ITSN1: variants seen among roughly 807,000 people sequenced by gnomAD.
ITSN1 encodes the protein intersectin-1.
Under a neutral mutation model 239.8 loss-of-function variants are expected in ITSN1, and 58 were observed. That is an observed-to-expected ratio of 0.24 (90% CI 0.20 to 0.30). ITSN1 has a LOEUF of 0.30. Among genes scored for constraint, ITSN1 ranks in the 10% least tolerant of loss-of-function variants. The pLI, the probability that ITSN1 is intolerant of heterozygous loss-of-function variation, is 1.00. For synonymous variants in ITSN1, 780 were observed against 770.8 expected (o/e 1.01, Z -0.20); for missense variants, 1,558 against 2,103.3 (o/e 0.74, Z 5.07).
chr21:33,873,827 G>A (rs947639431), intron 33 of ITSN1, among the ~76,000 whole-genome samples: 4 of 151,950 alleles, frequency 2.6e-5, no homozygotes, highest in African/African-American at 9.7e-5. Flanking sequence ...AGATGAGATC[G>A]TGCCACTGTT....
intron 34 of ITSN1, among the ~76,000 whole-genome samples, chr21:33,876,162 CCT>C (rs1459255350): frequency 4.4e-4 from 51 of 114,898 alleles, no homozygotes; most frequent in East Asian, 2.0e-3. Flanking sequence ...TCTCTCTCTC[CCT>C]CTTTCTTTCT....
chr21:33,842,450 T>G (rs1397450866), intron 29 of ITSN1, among the ~76,000 whole-genome samples: 1 of 152,086 alleles, frequency 6.6e-6, no homozygotes, highest in Non-Finnish European at 1.5e-5. Flanking sequence ...GCATACCACC[T>G]CTTAGAAGCT....
At chr21:33,821,987 G>C (rs1391823680) in intron 24 of ITSN1, among the ~76,000 whole-genome samples, 3 of 152,206 alleles carry the variant, frequency 2.0e-5, no homozygotes, top group Non-Finnish European at 4.4e-5. Flanking sequence ...ATTTCCTTGT[G>C]TGGGAAATCA....
intron 30 of ITSN1, 22 bp downstream of exon 30, chr21:33,856,879 G>T: frequency 6.2e-7 from 1 of 1,613,028 alleles, no homozygotes; most frequent in South Asian, 1.1e-5. Context: ...GGTGGGGCAG[G>T]GGGCACGGCA....
intron 26 of ITSN1, among the ~76,000 whole-genome samples, chr21:33,827,267 G>T (rs2074023813): frequency 6.6e-6 from 1 of 152,120 alleles, no homozygotes; most frequent in Admixed American, 6.5e-5. Context: ...AGGCATAGTG[G>T]CATACACCTG....
intron 1 of ITSN1, among the ~76,000 whole-genome samples, chr21:33,663,078 C>T (rs1055107187): frequency 6.6e-6 from 1 of 152,216 alleles, no homozygotes; most frequent in Non-Finnish European, 1.5e-5. Context: ...AGGCATTAGT[C>T]TACCTTGCCT....
intron 33 of ITSN1, 34 bp downstream of exon 33, chr21:33,867,365 C>A: frequency 8.3e-7 from 1 of 1,205,540 alleles, no homozygotes; most frequent in African/African-American, 1.5e-5. Context: ...AAGCAGGGGA[C>A]GGCTTTCTCT....
chr21:33,867,270 T>C lies in ITSN1; in HGVS notation c.4112T>C (p.Leu1371Pro). Residue 1371 changes from leucine to proline, a missense_variant, in exon 33 of 40, where the codon CTC becomes CCC. Physicochemically the swap from Leu to Pro is moderately conservative, Grantham distance 98 (BLOSUM62 -3). Coordinates refer to ENST00000381318, the MANE Select transcript of ITSN1 (RefSeq NM_003024.3). ...GATCCTCGGTGTAAAGGGATGCCACTCTCTAGTTTTATACTGAAGCCTATG... is the reference window on the plus strand; with the variant it reads ...GATCCTCGGTGTAAAGGGATGCCACCCTCTAGTTTTATACTGAAGCCTATG... The part of the protein sequence containing the change: ...AMDPRCKGMP[L>P]SSFILKPMQR... 1 of 1,610,648 alleles carries C rather than the reference T, an allele frequency of 6.2e-7. No homozygotes were observed. The highest frequency in any genetic ancestry group is 8.5e-7 in the Non-Finnish European group (1 of 1,176,906).
In ITSN1 at chr21:33,774,977, A is replaced by C. The variant is rs1279326746; in HGVS notation, c.1465A>C (p.Lys489Gln). ...CTTTCATTTGTTCAAGAATGATAAA[A>C]AGCATCAACTAGAAGGGAAACTTCA... is the stretch of plus-strand genomic sequence containing the variant. ...EFELEALNDK[K>Q]HQLEGKLQDI... Residue 489 changes from lysine (K) to glutamine (Q), a missense_variant, in exon 14 of 40, where the codon AAG becomes CAG. Coordinates refer to ENST00000381318, the MANE Select transcript of ITSN1 (RefSeq NM_003024.3). 3 of 1,611,558 alleles carry C rather than the reference A, an allele frequency of 1.9e-6. No individual in the cohort carries two copies. Among genetic ancestry groups the C allele is most frequent in the Non-Finnish European group, 2.5e-6 (3 of 1,179,086 alleles).
chr21:33,867,638 T>TAA (rs3057468), intron 33 of ITSN1, among the ~76,000 whole-genome samples: 17 of 142,814 alleles, frequency 1.2e-4, no homozygotes, highest in Admixed American at 1.0e-3. Flanking sequence ...CTATCTCTAT[T>TAA]AAAAAAAAAA....
chr21:33,833,928 A>G (rs1459258611), intron 27 of ITSN1, among the ~76,000 whole-genome samples: 3 of 151,530 alleles, frequency 2.0e-5, no homozygotes, highest in Non-Finnish European at 4.4e-5. Context: ...TATTATTATT[A>G]TTATTATTAT....
At chr21:33,851,778 C>CTTTTTTT (rs35567402) in intron 29 of ITSN1, among the ~76,000 whole-genome samples, 4 of 66,202 alleles carry the variant, frequency 6.0e-5, no homozygotes, top group East Asian at 4.6e-4. Flanking sequence ...CTTTTCTTTC[C>CTTTTTTT]TTTTTTTTTT....
intron 5 of ITSN1, among the ~76,000 whole-genome samples, chr21:33,742,264 C>T (rs961887501): frequency 3.3e-5 from 5 of 151,868 alleles, no homozygotes; most frequent in African/African-American, 1.2e-4. Context: ...ACCATGTTGG[C>T]CAGGCTGGTC....
chr21:33,644,517 C>T (rs1342192480), intron 1 of ITSN1, among the ~76,000 whole-genome samples: 1 of 151,892 alleles, frequency 6.6e-6, no homozygotes, highest in Non-Finnish European at 1.5e-5. Flanking sequence ...TATTATTCTG[C>T]CTGAGTAAGA....
At chr21:33,867,110 C>G in intron 32 of ITSN1, 123 bp from the exon 33 acceptor site, 1 of 645,830 alleles carries the variant, frequency 1.5e-6, no homozygotes, top group Non-Finnish European at 2.8e-6. Flanking sequence ...AACCCCAGGT[C>G]TCTCAGTTGT....
chr21:33,876,106 T>C (rs11909552), intron 34 of ITSN1, among the ~76,000 whole-genome samples: 6 of 15,184 alleles, frequency 4.0e-4, no homozygotes, highest in African/African-American at 5.6e-4. Context: ...TCTTTCCTTC[T>C]TTCTTTCTTT....
chr21:33,753,214 AC>A (rs59978524), intron 7 of ITSN1, among the ~76,000 whole-genome samples: 15,863 of 152,220 alleles, frequency 0.1, 961 homozygotes, highest in East Asian at 0.26. Context: ...ATTGTAGGAT[AC>A]AGGTATTTAT....
intron 1 of ITSN1, among the ~76,000 whole-genome samples, chr21:33,655,315 C>T (rs1034904678): frequency 1.3e-5 from 2 of 152,060 alleles, no homozygotes; most frequent in African/African-American, 4.8e-5. Context: ...AAAATGTTGA[C>T]CTCCTGCAAA....
intron 1 of ITSN1, among the ~76,000 whole-genome samples, chr21:33,706,327 A>AT (rs2046124747): frequency 6.6e-6 from 1 of 152,182 alleles, no homozygotes; most frequent in Non-Finnish European, 1.5e-5. Context: ...AATTGATGGC[A>AT]TTTTAAAGAA....
Sources: allele counts gnomAD v4.1 joint callset (sites outside exome capture counted in the v4.1 genomes callset), GRCh38; gene constraint gnomAD v4.1.1; transcripts MANE v1.5; gene names NCBI Gene and HGNC (gene_info 2026-07-23, HGNC 2026-07-21).